HINT2: variants seen among roughly 807,000 people sequenced by gnomAD.
HINT2 encodes histidine triad nucleotide binding protein 2, also known as adenosine 5'-monophosphoramidase HINT2.
Under a neutral mutation model 20.0 loss-of-function variants are expected in HINT2, and 17 were observed. The observed-to-expected ratio is 0.85, with a 90% CI of 0.58 to 1.27. The LOEUF (loss-of-function observed/expected upper bound fraction) is 1.27, where lower values mean the gene tolerates loss of function less well. Ranked by LOEUF, HINT2 falls within the 50% of genes most tolerant of loss-of-function variation. The probability of loss-of-function intolerance (pLI) is 0.00; values close to 1 mark genes in which losing one functional copy is unlikely to be tolerated. For synonymous variants in HINT2, 96 were observed against 84.2 expected, an observed-to-expected ratio of 1.14 and a Z score of -0.77; for missense variants, 217 against 211.9, an observed-to-expected ratio of 1.02 and a Z score of -0.15.
chr9:35,813,364 G>C, intron 3 of HINT2, 26 bp from the exon 4 acceptor site: 3 of 1,611,256 alleles, frequency 1.9e-6, no homozygotes, highest in Middle Eastern at 1.7e-4. Flanking sequence ...AGGGACATAG[G>C]TGGCTTCATT....
At chr9:35,814,534 A>T (rs1045566511) in intron 1 of HINT2, 8 of 231,204 alleles carry the variant, frequency 3.5e-5, no homozygotes, top group African/African-American at 6.8e-5. Flanking sequence ...AGAGGTTAAC[A>T]CTAGTGCTCA....
At chr9:35,815,355 A>G, upstream of HINT2, 1 of 187,524 alleles carries the variant, frequency 5.3e-6, no homozygotes, top group South Asian at 1.6e-4. Flanking sequence ...AATCTGATAC[A>G]CAACTCTGGC....
intron 3 of HINT2, 39 bp from the exon 4 acceptor site, chr9:35,813,377 T>C (rs1240152517): frequency 7.5e-6 from 12 of 1,610,036 alleles, no homozygotes; most frequent in African/African-American, 1.3e-5. Context: ...GCTTCATTCA[T>C]AGGGAGCAAG....
chr9:35,814,658 G>A (rs1828968246), intron 1 of HINT2: 2 of 462,492 alleles, frequency 4.3e-6, no homozygotes, highest in African/African-American at 4.1e-5. Flanking sequence ...GAAGGCGGCA[G>A]CCGCTGCACT....
intron 1 of HINT2, 55 bp downstream of exon 1, chr9:35,814,844 C>A: frequency 7.0e-7 from 1 of 1,431,406 alleles, no homozygotes; most frequent in Non-Finnish European, 9.2e-7. Flanking sequence ...CCCCCTGGCC[C>A]CGGATGGCTT....
chr9:35,813,661 G>C lies in HINT2; in HGVS notation c.205C>G (p.Leu69Val), dbSNP rs1462412174. 2 of 1,614,228 alleles carry C rather than the reference G, an allele frequency of 1.2e-6. No homozygotes were observed. Among genetic ancestry groups the C allele is most frequent in the South Asian group, 2.2e-5 (2 of 91,084 alleles). ...ILDKSLPADI[L>V]YEDQQCLVFR... ...CACCCCACCTGCTGGTCCTCATAGA[G>C]AATGTCAGCTGGGAGGCTCTTGTCC... Residue 69 changes from leucine (L) to valine (V), a missense_variant, in exon 2 of 5, where the codon CTC becomes GTC. Physicochemically the swap from Leu to Val is conservative, Grantham distance 32. Coordinates refer to ENST00000259667, the MANE Select transcript of HINT2 (RefSeq NM_032593.3).
upstream of HINT2, chr9:35,815,118 G>A: frequency 4.0e-6 from 3 of 757,996 alleles, no homozygotes; most frequent in South Asian, 2.5e-5. Context: ...GCGCCTCTGA[G>A]CACGATTCAC....
chr9:35,813,451 GTCT>G lies in HINT2; in HGVS notation c.318_320del (p.Glu106del), dbSNP rs752836170. 2.4e-5 allele frequency: 38 copies of G among 1,614,030 alleles called. No homozygotes were observed. Among genetic ancestry groups the G allele is most frequent in the East Asian group, 1.1e-4 (5 of 44,902 alleles). ...CTGGCCCTGTTCTTCCCACCTGCTG[GTCT>G]TCTTCTTCAGCCTGGCTAATCCGAG... On this transcript the variant is annotated inframe_deletion, in exon 3 of 5. Transcript: ENST00000259667.
intron 1 of HINT2, chr9:35,814,163 A>C (rs1828952094): frequency 5.4e-6 from 1 of 185,296 alleles, no homozygotes; most frequent in Admixed American, 5.5e-5. Context: ...GGTTTCCATA[A>C]TCTCTTGCGA....
At position 35,815,020 on chromosome 9, in the gene HINT2, C is replaced by CGGCTCCGCGGCCGGCCGTGGGTGGG; in HGVS notation, c.-42_-41insCCCACCCACGGCCGGCCGCGGAGCC. The CGGCTCCGCGGCCGGCCGTGGGTGGG allele has an allele frequency of 7.3e-7, 1 of 1,373,214 alleles. No homozygotes were observed. The highest frequency in any genetic ancestry group is 1.5e-5 in the African/African-American group (1 of 65,682). The allele number at this position is 1,373,214 out of a possible 1,614,324, so 85.1% of individuals were successfully genotyped here. The stretch of plus-strand genomic sequence containing the variant: ...GGAACCTCTCACCCGGGTCAGCACT[C>CGGCTCCGCGGCCGGCCGTGGGTGGG]GGCTCCGCGGCCGGCCGTGGGTGGG... On this transcript the variant is annotated 5_prime_UTR_variant, in exon 1 of 5. Coordinates refer to ENST00000259667, the MANE Select transcript of HINT2 (RefSeq NM_032593.3).
rs1011682441 is a variant in HINT2, at chr9:35,814,888, C to T, written c.81+11G>A. ...GCAGGACCCCCTACTCGCTCCCGCG[C>T]CACTTCTCACCTGCCCCCCGCGCAC... is the stretch of plus-strand genomic sequence containing the variant. On this transcript the variant is annotated intron_variant, in intron 1 of 4. Coordinates refer to ENST00000259667, the MANE Select transcript of HINT2 (RefSeq NM_032593.3). The T allele has an allele frequency of 1.3e-6, 2 of 1,489,190 alleles. No individual in the cohort carries two copies. Among genetic ancestry groups the T allele is most frequent in the Non-Finnish European group, 1.8e-6 (2 of 1,127,078 alleles). 92.2% of individuals were successfully genotyped at this position (1,489,190 alleles called of 1,614,324 possible).
rs1191758980 is a variant in HINT2 at position 35,813,039 on chromosome 9, A to T, written c.*15T>A. 6.2e-7 allele frequency: 1 copy of T among 1,603,380 alleles called. No individual in the cohort carries two copies. The highest frequency in any genetic ancestry group is 2.2e-5 in the East Asian group (1 of 44,838). ...AAGCATCCAGAGTCTGGTGTCCTTTAATCAGTTGGCAGGTTCAACCTGGAG... is the reference window on the plus strand; with the variant it reads ...AAGCATCCAGAGTCTGGTGTCCTTTTATCAGTTGGCAGGTTCAACCTGGAG... On this transcript the variant is annotated 3_prime_UTR_variant, in exon 5 of 5. Transcript: ENST00000259667.
At chr9:35,813,878 T>C in intron 1 of HINT2, 94 bp from the exon 2 acceptor site, 1 of 1,380,982 alleles carries the variant, frequency 7.2e-7, no homozygotes, top group Non-Finnish European at 9.8e-7. Context: ...CTATTCATCG[T>C]TCCCACCCAG....
At chr9:35,814,783 G>T in intron 1 of HINT2, 116 bp downstream of exon 1, 1 of 872,222 alleles carries the variant, frequency 1.1e-6, no homozygotes, top group Non-Finnish European at 1.6e-6. Flanking sequence ...GTGCCTCGGA[G>T]GGGCAGAGGC....
At chr9:35,814,660 C>G in intron 1 of HINT2, 1 of 486,320 alleles carries the variant, frequency 2.1e-6, no homozygotes, top group Non-Finnish European at 3.6e-6. Flanking sequence ...AGGCGGCAGC[C>G]GCTGCACTGA....
intron 3 of HINT2, 25 bp downstream of exon 3, chr9:35,813,420 C>T (rs1828910127): frequency 6.2e-7 from 1 of 1,613,318 alleles, no homozygotes; most frequent in Non-Finnish European, 8.5e-7. Flanking sequence ...TCCTCCCAGC[C>T]AAACCCTGGC....
At chr9:35,813,859 T>A in intron 1 of HINT2, 75 bp from the exon 2 acceptor site, 1 of 1,483,092 alleles carries the variant, frequency 6.7e-7, no homozygotes, top group South Asian at 1.3e-5. Context: ...ATTTCGTCCT[T>A]CTAATAACCT....
Position 35,814,987 on chromosome 9 carries a change from G to C in HINT2, c.-8C>G. ...CACCACGGCTGCCGCCATCTTCCCT[G>C]AGCCGCGGGAACCTCTCACCCGGGT... On this transcript the variant is annotated 5_prime_UTR_variant, in exon 1 of 5. Coordinates refer to ENST00000259667, the MANE Select transcript of HINT2 (RefSeq NM_032593.3). The C allele has an allele frequency of 6.9e-7, 1 of 1,458,536 alleles. No individual in the cohort carries two copies. The highest frequency in any genetic ancestry group is 9.0e-7 in the Non-Finnish European group (1 of 1,111,910). The allele number at this position is 1,458,536 out of a possible 1,614,324, so 90.3% of individuals were successfully genotyped here. A position where few individuals can be genotyped will look rare whatever the true frequency, so the allele number is the denominator to read the frequency against.
Position 35,814,931 on chromosome 9 carries a change from C to T in HINT2, c.49G>A (p.Ala17Thr). 2 of 1,486,666 alleles carry T rather than the reference C, an allele frequency of 1.3e-6. No homozygotes were observed. The highest frequency in any genetic ancestry group is 1.8e-6 in the Non-Finnish European group (2 of 1,125,978). The allele number at this position is 1,486,666 out of a possible 1,614,324, so 92.1% of individuals were successfully genotyped here. A position where few individuals can be genotyped will look rare whatever the true frequency, so the allele number is the denominator to read the frequency against. Residue 17 changes from alanine to threonine, a missense_variant, in exon 1 of 5, where the codon GCC (alanine) becomes ACC (threonine). Physicochemically the swap from Ala to Thr is moderately conservative, Grantham distance 58. Transcript: ENST00000259667. ...LAAGLRAARR[A>T]VAATGVRGGQ... Reference sequence around the variant, plus strand: ...CCGCGCACCCCCGTGGCCGCCACGGCTCTGCGCGCCGCGCGCAACCCAGCA... The same window carrying T: ...CCGCGCACCCCCGTGGCCGCCACGGTTCTGCGCGCCGCGCGCAACCCAGCA...
Sources: gnomAD v4.1 joint callset for allele counts on GRCh38, gnomAD v4.1.1 for gene constraint, MANE v1.5 for transcripts, NCBI Gene and HGNC (gene_info 2026-07-23, HGNC 2026-07-21) for gene names.